Variants in CABIN1 observed in about 807,000 individuals in gnomAD.
CABIN1 encodes the protein calcineurin-binding protein cabin-1.
CABIN1 carries 133 observed loss-of-function variants against 227.7 expected under a neutral mutation model. The ratio of observed to expected loss-of-function variants is 0.58; its 90% CI spans 0.51 to 0.67. The LOEUF is 0.67. CABIN1 is among the 30% of genes least tolerant of loss of function. The pLI is 0.00. For synonymous variants in CABIN1, 1,086 were observed against 1,155.1 expected, an observed-to-expected ratio of 0.94 and a Z score of 1.21; for missense variants, 2,408 against 2,852.5, an observed-to-expected ratio of 0.84 and a Z score of 3.55.
chr22:24,152,515 G>A (rs1481547283), intron 29 of CABIN1, among the ~76,000 whole-genome samples: 1 of 152,162 alleles, frequency 6.6e-6, no homozygotes, highest in Non-Finnish European at 1.5e-5. Flanking sequence ...CCAGACACAG[G>A]TCACACAGAG....
In CABIN1 at chr22:24,035,537, G is replaced by T. The variant is rs757505434; in HGVS notation, c.3+17G>T. 16 of 1,614,010 alleles carry T rather than the reference G, an allele frequency of 9.9e-6. No homozygotes were observed. In the African/African-American group the frequency reaches 1.5e-4, roughly 15 times the overall value. On this transcript the variant is annotated intron_variant, in intron 2 of 36. Coordinates refer to ENST00000263119, the MANE Select transcript of CABIN1 (RefSeq NM_012295.4). ...CTGAATATGGTAAGGACTGATGCCT[G>T]CCTATTTTGCGGACCTCAGTGTTCT...
intron 8 of CABIN1, 58 bp from the exon 9 acceptor site, chr22:24,054,815 T>G: frequency 6.2e-7 from 1 of 1,611,654 alleles, no homozygotes; most frequent in Non-Finnish European, 8.5e-7. Flanking sequence ...TTTTCCACTA[T>G]GCTTGGAGTA....
chr22:24,147,227 ACCTC>A (rs1248992877), intron 29 of CABIN1, among the ~76,000 whole-genome samples: 1 of 139,034 alleles, frequency 7.2e-6, no homozygotes, highest in Non-Finnish European at 1.6e-5. Flanking sequence ...TCCCAGCAGC[ACCTC>A]CCTCCCTCCC....
chr22:24,178,172 GGAC>G lies in CABIN1; in HGVS notation c.6646_6648del (p.Asp2216del), dbSNP rs1569334059. 68 of 1,613,360 alleles carry G rather than the reference GGAC, an allele frequency of 4.2e-5. No individual in the cohort carries two copies. The highest frequency in any genetic ancestry group is 5.6e-5 in the Non-Finnish European group (66 of 1,179,964). On this transcript the variant is annotated inframe_deletion, in exon 37 of 37. Coordinates refer to ENST00000263119, the MANE Select transcript of CABIN1 (RefSeq NM_012295.4). ...CCTCGCTGGAGAGCGAGACAGACGA[GGAC>G]GACGACTACATGGACATTTGAGGGG...
At chr22:24,092,687 AGTGTGTGTGT>A (rs3221282) in intron 24 of CABIN1, among the ~76,000 whole-genome samples, 81 of 138,814 alleles carry the variant, frequency 5.8e-4, no homozygotes, top group African/African-American at 1.0e-3. Context: ...TGATTATAAA[AGTGTGTGTGT>A]GTGTGTGTGT....
chr22:24,013,030 G>C (rs1470238857), intron 1 of CABIN1, among the ~76,000 whole-genome samples: 1 of 151,514 alleles, frequency 6.6e-6, no homozygotes, highest in Non-Finnish European at 1.5e-5. Context: ...GAAAGTGTTG[G>C]GATTACAGGC....
intron 19 of CABIN1, among the ~76,000 whole-genome samples, chr22:24,078,713 C>A (rs2040602046): frequency 6.6e-6 from 1 of 152,124 alleles, no homozygotes; most frequent in Non-Finnish European, 1.5e-5. Context: ...GTGTGCCCAC[C>A]CCCCTTCTGT....
intron 23 of CABIN1, 127 bp downstream of exon 23, chr22:24,087,840 C>T (rs1048069299): frequency 8.1e-5 from 100 of 1,240,654 alleles, no homozygotes; most frequent in Middle Eastern, 2.7e-4. Context: ...AGCTCACTGA[C>T]GAATCTCCCC....
intron 7 of CABIN1, 91 bp downstream of exon 7, chr22:24,049,311 A>G (rs2038140715): frequency 5.4e-6 from 8 of 1,493,378 alleles, no homozygotes; most frequent in Non-Finnish European, 5.5e-6. Context: ...CTCAGGTCCC[A>G]TGGATGGAGC....
intron 1 of CABIN1, among the ~76,000 whole-genome samples, chr22:24,019,096 T>C (rs887241626): frequency 2.0e-5 from 3 of 150,820 alleles, no homozygotes; most frequent in Non-Finnish European, 4.4e-5. Flanking sequence ...ATTAATCTTA[T>C]ATTGTGCAAC....
At chr22:24,171,528 T>C (rs895300284) in intron 33 of CABIN1, among the ~76,000 whole-genome samples, 185 bp from the exon 34 acceptor site, 2 of 152,202 alleles carry the variant, frequency 1.3e-5, no homozygotes, top group Non-Finnish European at 2.9e-5. Context: ...AGGATCCTGA[T>C]GGGGTGCCTC....
chr22:24,123,317 C>G (rs535253373), intron 28 of CABIN1, among the ~76,000 whole-genome samples: 3 of 152,112 alleles, frequency 2.0e-5, no homozygotes, highest in African/African-American at 4.8e-5. Flanking sequence ...AATCTTAGAC[C>G]CCTTAAGCAG....
chr22:24,115,502 C>T (rs946400211), intron 27 of CABIN1, among the ~76,000 whole-genome samples: 1 of 152,224 alleles, frequency 6.6e-6, no homozygotes, highest in African/African-American at 2.4e-5. Context: ...CTAAGCCCAG[C>T]TTTTCTTGGT....
intron 16 of CABIN1, among the ~76,000 whole-genome samples, chr22:24,069,174 G>A (rs142431405): frequency 6.6e-6 from 1 of 152,344 alleles, no homozygotes; most frequent in South Asian, 2.1e-4. Flanking sequence ...TAATTGGATA[G>A]TTTGTGTCTT....
intron 26 of CABIN1, among the ~76,000 whole-genome samples, chr22:24,104,870 G>T (rs2042422638): frequency 6.6e-6 from 1 of 152,178 alleles, no homozygotes; most frequent in Non-Finnish European, 1.5e-5. Context: ...GGTCTTTTCT[G>T]GGGCACTAGT....
chr22:24,050,775 C>A, intron 7 of CABIN1, 50 bp from the exon 8 acceptor site: 1 of 1,610,990 alleles, frequency 6.2e-7, no homozygotes, highest in South Asian at 1.1e-5. Flanking sequence ...ATTTCAGCCT[C>A]AGTTTTAGTT....
chr22:24,051,023 G>C (rs1190409258), intron 8 of CABIN1, 49 bp downstream of exon 8: 53 of 1,611,086 alleles, frequency 3.3e-5, no homozygotes, highest in Non-Finnish European at 4.4e-5. Context: ...AGTAGGCCCT[G>C]TTGTGGGATG....
chr22:24,176,096 C>T lies in CABIN1; in HGVS notation c.6041-15C>T, dbSNP rs373222070. 3.0e-4 allele frequency: 486 copies of T among 1,607,570 alleles called. 1 individual carries two copies. The highest frequency in any genetic ancestry group is 3.0e-4 in the Non-Finnish European group (359 of 1,177,632). On this transcript the variant is annotated splice_polypyrimidine_tract_variant and intron_variant, in intron 34 of 36. Transcript: ENST00000263119. The stretch of plus-strand genomic sequence containing the variant: ...GGATGAGTCTATTACCTGCAGTGAG[C>T]CCATGTCCCCACAGAGGGAGAAGAG...
At chr22:24,097,841 T>G (rs2041984432) in intron 25 of CABIN1, among the ~76,000 whole-genome samples, 173 bp from the exon 26 acceptor site, 1 of 152,198 alleles carries the variant, frequency 6.6e-6, no homozygotes, top group African/African-American at 2.4e-5. Context: ...AGAGCCTGTG[T>G]GGGTGCTGTA....
Sources: gnomAD v4.1 joint callset for allele counts (sites outside exome capture counted in the v4.1 genomes callset) on GRCh38, gnomAD v4.1.1 for gene constraint, MANE v1.5 for transcripts, NCBI Gene and HGNC (gene_info 2026-07-23, HGNC 2026-07-21) for gene names.